LRP2: variants seen among roughly 807,000 people sequenced by gnomAD.
LRP2 encodes the protein low-density lipoprotein receptor-related protein 2.
LRP2 carries 172 observed loss-of-function variants against 531.0 expected under a neutral mutation model. The observed-to-expected ratio is 0.32, with a 90% confidence interval of 0.29 to 0.37. The LOEUF (loss-of-function observed/expected upper bound fraction) is 0.37. Ranked by LOEUF, LRP2 falls within the 10% of genes least tolerant of loss-of-function variation. The pLI, the probability that LRP2 is intolerant of heterozygous loss-of-function variation, is 1.00. For synonymous variants in LRP2, 1,992 were observed against 2,027.6 expected (o/e 0.98, Z 0.47); for missense variants, 5,167 against 5,868.3 (o/e 0.88, Z 3.90).
chr2:169,246,801 G>T lies in LRP2; in HGVS notation c.3094C>A (p.Pro1032Thr). ...GGCACACATCTGCCATTTTTACAGG[G>T]GAAGGAAAATAAGCCACACTGCTCT... ...PTEQCGLFSF[P>T]CKNGRCVPNY... Residue 1032 changes from proline to threonine, a missense_variant, in exon 21 of 79, where the codon CCC becomes ACC. Physicochemically the swap from Pro to Thr is conservative, Grantham distance 38 (BLOSUM62 -1). Coordinates refer to ENST00000649046, the MANE Select transcript of LRP2 (RefSeq NM_004525.3). The T allele has an allele frequency of 6.2e-7, 1 of 1,614,114 alleles. No homozygotes were observed. Among genetic ancestry groups the T allele is most frequent in the Non-Finnish European group, 8.5e-7 (1 of 1,180,026 alleles).
intron 22 of LRP2, 118 bp from the exon 23 acceptor site, chr2:169,243,640 T>G: frequency 8.3e-7 from 1 of 1,209,690 alleles, no homozygotes; most frequent in Non-Finnish European, 1.2e-6. Context: ...GGGTTCAAAA[T>G]TCTTTTGAAT....
At chr2:169,358,259 A>G (rs1484293968) in intron 1 of LRP2, among the ~76,000 whole-genome samples, 2 of 152,186 alleles carry the variant, frequency 1.3e-5, no homozygotes, top group African/African-American at 4.8e-5. Context: ...GCTCTGTCAC[A>G]GGCTAGATGT....
rs750939831 is a variant in LRP2 at position 169,206,088 on chromosome 2, C to T, written c.7491G>A (p.Gly2497=). 6.2e-7 allele frequency: 1 copy of T among 1,614,170 alleles called. No individual in the cohort carries two copies. Among genetic ancestry groups the T allele is most frequent in the South Asian group, 1.1e-5 (1 of 91,080 alleles). Residue 2497 remains glycine (G), a synonymous_variant, in exon 40 of 79, where the codon GGG becomes GGA. Coordinates refer to ENST00000649046, the MANE Select transcript of LRP2 (RefSeq NM_004525.3). The stretch of plus-strand genomic sequence containing the variant: ...CGCGGGCTATCACAGTGCGGTTAGA[C>T]CCATCTTCAGCCATGGAATTAATCA... ...NQMINSMAED[G]SNRTVIARVP...
chr2:169,182,610 A>G, intron 50 of LRP2: 1 of 985,402 alleles, frequency 1.0e-6, no homozygotes, highest in Non-Finnish European at 1.2e-6. Flanking sequence ...ATGCAGCATA[A>G]GGCACCCTCT....
chr2:169,215,732 A>G (rs1010807898), intron 35 of LRP2, among the ~76,000 whole-genome samples: 9 of 147,780 alleles, frequency 6.1e-5, no homozygotes, highest in Non-Finnish European at 1.3e-4. Context: ...ATTCTATAAT[A>G]TATATTCTAT....
At chr2:169,264,093 T>C (rs1358677142) in intron 16 of LRP2, among the ~76,000 whole-genome samples, 1 of 151,906 alleles carries the variant, frequency 6.6e-6, no homozygotes, top group African/African-American at 2.4e-5. Flanking sequence ...CTGGGGACTG[T>C]TGTGGGGTGG....
intron 57 of LRP2, 112 bp from the exon 58 acceptor site, chr2:169,172,246 C>T (rs989766870): frequency 4.7e-6 from 6 of 1,274,200 alleles, no homozygotes; most frequent in Admixed American, 3.7e-5. Context: ...ACTCTTGAAG[C>T]TCCCAAAGAG....
At chr2:169,341,710 G>A (rs1685567237) in intron 1 of LRP2, among the ~76,000 whole-genome samples, 1 of 152,104 alleles carries the variant, frequency 6.6e-6, no homozygotes, top group Non-Finnish European at 1.5e-5. Flanking sequence ...AGTATGTGAG[G>A]CCCAGAGCCA....
intron 6 of LRP2, 133 bp downstream of exon 6, chr2:169,294,015 C>T (rs1684071475): frequency 1.4e-6 from 1 of 725,920 alleles, no homozygotes; most frequent in South Asian, 1.5e-5. Flanking sequence ...TTCCATCTGC[C>T]ATCAAACGTA....
chr2:169,150,278 C>A (rs193103414), intron 68 of LRP2, among the ~76,000 whole-genome samples: 170 of 152,258 alleles, frequency 1.1e-3, no homozygotes, highest in African/African-American at 3.9e-3. Context: ...TTTAAAGTGT[C>A]ACTATTCTGA....
At chr2:169,362,184 C>G (rs994142767) in intron 1 of LRP2, 137 bp downstream of exon 1, 12 of 677,418 alleles carry the variant, frequency 1.8e-5, no homozygotes, top group Non-Finnish European at 2.8e-5. Flanking sequence ...CCTGAGCGCC[C>G]CACCGGGAGC....
chr2:169,198,648 T>C (rs542698345), intron 45 of LRP2, 138 bp downstream of exon 45: 3 of 962,640 alleles, frequency 3.1e-6, no homozygotes, highest in African/African-American at 3.2e-5. Context: ...TGAAAGCAAC[T>C]GCCTACCACC....
chr2:169,240,255 CAG>C (rs1326540322), intron 25 of LRP2, among the ~76,000 whole-genome samples: 3 of 152,164 alleles, frequency 2.0e-5, no homozygotes. Flanking sequence ...TTAGAGTACA[CAG>C]ATCCGGTAAC....
At chr2:169,277,604 G>A (rs1574212578) in intron 13 of LRP2, 141 bp downstream of exon 13, 1 of 768,748 alleles carries the variant, frequency 1.3e-6, no homozygotes. Context: ...TCATGCAAAT[G>A]TCAGTACAAA....
intron 63 of LRP2, among the ~76,000 whole-genome samples, chr2:169,159,010 T>C (rs1158319922): frequency 6.6e-6 from 1 of 152,164 alleles, no homozygotes; most frequent in African/African-American, 2.4e-5. Flanking sequence ...CCAATATCTA[T>C]CCAAGCCATC....
chr2:169,207,510 A>G (rs1350029459), intron 38 of LRP2, among the ~76,000 whole-genome samples: 1 of 152,210 alleles, frequency 6.6e-6, no homozygotes, highest in Non-Finnish European at 1.5e-5. Context: ...TAGCAACATC[A>G]TAACCCACTT....
At position 169,206,882 on chromosome 2, in the gene LRP2, G is replaced by A; in HGVS notation, c.6838C>T (p.Pro2280Ser). 3 of 1,614,144 alleles carry A rather than the reference G, an allele frequency of 1.9e-6. No homozygotes were observed. The highest frequency in any genetic ancestry group is 2.2e-5 in the East Asian group (1 of 44,886). Reference sequence around the variant, plus strand: ...TTTTCAAAAACAGTGATGCCATAAGGAGTTGGGTAACGACTGCCATAACGA... The same window carrying A: ...TTTTCAAAAACAGTGATGCCATAAGAAGTTGGGTAACGACTGCCATAACGA... Reference protein sequence around the residue: ...VIRYGSRYPTPYGITVFENSI... With the variant: ...VIRYGSRYPTSYGITVFENSI... The change falls in exon 39 of 79, where the codon CCT (proline) becomes TCT (serine). Residue 2280 changes from proline to serine, a missense_variant. Coordinates refer to ENST00000649046, the MANE Select transcript of LRP2 (RefSeq NM_004525.3).
At chr2:169,255,750 C>G (rs1350350663) in intron 19 of LRP2, among the ~76,000 whole-genome samples, 1 of 152,126 alleles carries the variant, frequency 6.6e-6, no homozygotes, top group Non-Finnish European at 1.5e-5. Context: ...ATAAACAGCT[C>G]TTGCTGTTTT....
chr2:169,268,726 C>G (rs924554817), intron 16 of LRP2, among the ~76,000 whole-genome samples: 5 of 152,178 alleles, frequency 3.3e-5, no homozygotes, highest in Non-Finnish European at 7.3e-5. Flanking sequence ...CACTCCTACT[C>G]AGCATAGTGT....
Sources: allele counts gnomAD v4.1 joint callset (sites outside exome capture counted in the v4.1 genomes callset), GRCh38; gene constraint gnomAD v4.1.1; transcripts MANE v1.5; gene names NCBI Gene and HGNC (gene_info 2026-07-23, HGNC 2026-07-21).